Variants in FAM222B observed in about 807,000 individuals in gnomAD.
FAM222B encodes family with sequence similarity 222 member B.
FAM222B carries 12 observed loss-of-function variants against 38.0 expected under a neutral mutation model. That is an observed-to-expected ratio of 0.32 (90% CI 0.20 to 0.51). The LOEUF is 0.51. Among genes scored for constraint, FAM222B ranks in the 20% least tolerant of loss-of-function variants. The probability of loss-of-function intolerance (pLI) is 0.97; values close to 1 mark genes in which losing one functional copy is unlikely to be tolerated. For synonymous variants in FAM222B, 329 were observed against 317.2 expected (o/e 1.04, Z -0.40); for missense variants, 716 against 754.2 (o/e 0.95, Z 0.59).
chr17:28,761,906 T>C (rs1182448696), intron 2 of FAM222B: 2 of 152,176 alleles, frequency 1.3e-5, no homozygotes, highest in African/African-American at 4.8e-5. Context: ...ATAATACTCC[T>C]AGCACAGTGC....
intron 1 of FAM222B, among the ~76,000 whole-genome samples, chr17:28,781,990 GT>G (rs2036185716): frequency 6.6e-6 from 1 of 152,152 alleles, no homozygotes; most frequent in South Asian, 2.1e-4. Context: ...CCCCATTTCA[GT>G]CAACACTAGA....
chr17:28,812,405 G>T (rs1282436949), intron 1 of FAM222B: 2 of 152,474 alleles, frequency 1.3e-5, no homozygotes, highest in Non-Finnish European at 2.9e-5. Context: ...AGGACTCCGC[G>T]GTGCGCCGAC....
intron 1 of FAM222B, among the ~76,000 whole-genome samples, chr17:28,789,563 C>A (rs572617669): frequency 6.6e-6 from 1 of 152,160 alleles, no homozygotes; most frequent in East Asian, 1.9e-4. Flanking sequence ...CAACTTTTAC[C>A]CAGTTCTATT....
At chr17:28,779,128 C>T (rs1419909553) in intron 1 of FAM222B, among the ~76,000 whole-genome samples, 1 of 152,034 alleles carries the variant, frequency 6.6e-6, no homozygotes, top group Admixed American at 6.6e-5. Flanking sequence ...TCTTCTCAAA[C>T]TCTTCCCAAA....
At chr17:28,833,009 TAAAAAAAAAAA>T (rs779596504) in intron 1 of FAM222B, among the ~76,000 whole-genome samples, 2 of 90,800 alleles carry the variant, frequency 2.2e-5, no homozygotes, top group Non-Finnish European at 4.3e-5. Flanking sequence ...CTGTCTCTAT[TAAAAAAAAAAA>T]AAAAAAAAAA....
Position 28,758,241 on chromosome 17 carries a change from G to T in FAM222B, c.*29C>A. 1 of 1,506,630 alleles carries T rather than the reference G, an allele frequency of 6.6e-7. No individual in the cohort carries two copies. 93.3% of individuals were successfully genotyped at this position (1,506,630 alleles called of 1,614,324 possible). A position where few individuals can be genotyped will look rare whatever the true frequency, so the allele number is the denominator to read the frequency against. Reference sequence around the variant, plus strand: ...TAAACCTAGGAGGGTGATGTATGATGTGTTGCACGTGGAGGGCAGCAGGGC... The same window carrying T: ...TAAACCTAGGAGGGTGATGTATGATTTGTTGCACGTGGAGGGCAGCAGGGC... On this transcript the variant is annotated 3_prime_UTR_variant, in exon 3 of 3. Coordinates refer to ENST00000581407, the MANE Select transcript of FAM222B (RefSeq NM_001077498.3).
At chr17:28,817,838 A>C (rs1377139715) in intron 1 of FAM222B, among the ~76,000 whole-genome samples, 2 of 152,166 alleles carry the variant, frequency 1.3e-5, no homozygotes, top group African/African-American at 4.8e-5. Flanking sequence ...CCTAGAAGAG[A>C]GAGGAAAAAC....
At chr17:28,780,543 T>G (rs1265032926) in intron 1 of FAM222B, among the ~76,000 whole-genome samples, 1 of 150,918 alleles carries the variant, frequency 6.6e-6, no homozygotes, top group African/African-American at 2.4e-5. Flanking sequence ...GGCTTGGGAA[T>G]AAATTTATTC....
chr17:28,782,131 C>T (rs1009600312), intron 1 of FAM222B, among the ~76,000 whole-genome samples: 1 of 151,980 alleles, frequency 6.6e-6, no homozygotes, highest in Non-Finnish European at 1.5e-5. Flanking sequence ...TTGAGACCAG[C>T]CAGGACAACA....
intron 1 of FAM222B, among the ~76,000 whole-genome samples, chr17:28,810,030 T>C (rs1350827978): frequency 6.6e-6 from 1 of 152,006 alleles, no homozygotes; most frequent in African/African-American, 2.4e-5. Context: ...AGGGTCTCAC[T>C]GTGTCACCCA....
At chr17:28,851,985 G>A (rs1165698285) in intron 1 of FAM222B, among the ~76,000 whole-genome samples, 1 of 151,928 alleles carries the variant, frequency 6.6e-6, no homozygotes, top group African/African-American at 2.4e-5. Flanking sequence ...CCAGGAGGTG[G>A]AGGTTGCAGT....
In FAM222B at chr17:28,801,609, T is replaced by C. The variant is rs997162040; in HGVS notation, c.-40-34902A>G. Among the ~76,000 whole-genome samples, 63 of 151,522 alleles carry C rather than the reference T, an allele frequency of 4.2e-4. 1 individual carries two copies. The highest frequency in any genetic ancestry group is 4.1e-4 in the South Asian group (2 of 4,826). On this transcript the variant is annotated intron_variant, in intron 1 of 2. Transcript: ENST00000581407. ...CTGTAATCCCAGCACTTTACTATTA[T>C]TATTATTATTATTGTTGTTCTTCTT...
At chr17:28,794,362 A>C (rs2036841836) in intron 1 of FAM222B, among the ~76,000 whole-genome samples, 1 of 151,786 alleles carries the variant, frequency 6.6e-6, no homozygotes, top group African/African-American at 2.4e-5. Flanking sequence ...TGGGACTACA[A>C]ACACGTGCCA....
intron 1 of FAM222B, among the ~76,000 whole-genome samples, chr17:28,833,978 T>C (rs1421739388): frequency 6.6e-6 from 1 of 152,228 alleles, no homozygotes; most frequent in African/African-American, 2.4e-5. Context: ...ATTCCGTAAC[T>C]TGGTTAATGA....
chr17:28,799,890 G>T (rs2037138041), intron 1 of FAM222B, among the ~76,000 whole-genome samples: 1 of 152,158 alleles, frequency 6.6e-6, no homozygotes, highest in African/African-American at 2.4e-5. Context: ...TTATAGGTGT[G>T]AGTCACCACA....
At chr17:28,829,621 A>G (rs1471041690) in intron 1 of FAM222B, among the ~76,000 whole-genome samples, 1 of 152,140 alleles carries the variant, frequency 6.6e-6, no homozygotes, top group Non-Finnish European at 1.5e-5. Context: ...AATACCAATG[A>G]GTTTCATTCA....
chr17:28,788,640 A>G (rs748746689), intron 1 of FAM222B, among the ~76,000 whole-genome samples: 1 of 152,216 alleles, frequency 6.6e-6, no homozygotes, highest in Non-Finnish European at 1.5e-5. Flanking sequence ...TTAAGTCAAC[A>G]TTATTTTAGC....
Position 28,758,275 on chromosome 17 carries a change from T to C in FAM222B, c.1684A>G (p.Arg562Gly). 6.3e-7 allele frequency: 1 copy of C among 1,578,508 alleles called. No homozygotes were observed. Among genetic ancestry groups the C allele is most frequent in the Non-Finnish European group, 8.6e-7 (1 of 1,162,728 alleles). The change falls in exon 3 of 3, where the codon AGA becomes GGA. Residue 562 changes from arginine (R) to glycine (G), a missense_variant. Transcript: ENST00000581407. ...RSLHIQHPGYR is the reference protein window; with the variant it reads ...RSLHIQHPGYG Reference sequence around the variant, plus strand: ...GTGGAGGGCAGCAGGGCTACCTATCTATACCCTGGGTGCTGAATATGAAGA... The same window carrying C: ...GTGGAGGGCAGCAGGGCTACCTATCCATACCCTGGGTGCTGAATATGAAGA...
rs2034722413 is a variant in FAM222B at position 28,756,852 on chromosome 17, G to C, written c.*1418C>G. On this transcript the variant is annotated 3_prime_UTR_variant, in exon 3 of 3. Coordinates refer to ENST00000581407, the MANE Select transcript of FAM222B (RefSeq NM_001077498.3). ...TGGCTAACGAACAGTAGTGGATAGT[G>C]AACAAAATGCAAAACCTTAAATAAG... The C allele has an allele frequency of 6.6e-6, 1 of 152,296 alleles. No individual in the cohort carries two copies. Among genetic ancestry groups the C allele is most frequent in the African/African-American group, 2.4e-5 (1 of 41,302 alleles). The allele number at this position is 152,296 out of a possible 1,614,324, so 9.4% of individuals were successfully genotyped here.
Sources: gnomAD v4.1 joint callset for allele counts (sites outside exome capture counted in the v4.1 genomes callset) on GRCh38, gnomAD v4.1.1 for gene constraint, MANE v1.5 for transcripts, NCBI Gene and HGNC (gene_info 2026-07-23, HGNC 2026-07-21) for gene names.